The following LARGE1 variants were observed in gnomAD, a reference collection of about 807,000 sequenced individuals.
LARGE1 encodes LARGE xylosyl- and glucuronyltransferase 1, also known as xylosyl- and glucuronyltransferase LARGE1.
LARGE1 carries 43 observed loss-of-function variants against 87.6 expected under a neutral mutation model. The ratio of observed to expected loss-of-function variants is 0.49; its 90% CI spans 0.38 to 0.63. The LOEUF (loss-of-function observed/expected upper bound fraction) is 0.63. Among genes scored for constraint, LARGE1 ranks in the 30% least tolerant of loss-of-function variants. LARGE1 has a pLI of 0.00. For missense variants in LARGE1, 802 were observed against 1,000.2 expected, an observed-to-expected ratio of 0.80 and a Z score of 2.67; for synonymous variants, 434 against 394.6, an observed-to-expected ratio of 1.10 and a Z score of -1.18.
chr22:33,330,907 C>T (rs1937619536), intron 10 of LARGE1, among the ~76,000 whole-genome samples: 1 of 152,152 alleles, frequency 6.6e-6, no homozygotes, highest in African/African-American at 2.4e-5. Flanking sequence ...CCTGAATTTC[C>T]GAATCAGTGG....
chr22:33,877,494 T>C (rs1202152747), intron 1 of LARGE1, among the ~76,000 whole-genome samples: 1 of 152,200 alleles, frequency 6.6e-6, no homozygotes, highest in African/African-American at 2.4e-5. Flanking sequence ...TTAATCTCTC[T>C]ATGCCTCAGT....
intron 3 of LARGE1, among the ~76,000 whole-genome samples, chr22:33,637,266 T>C (rs994506183): frequency 1.3e-5 from 2 of 152,184 alleles, no homozygotes; most frequent in African/African-American, 4.8e-5. Context: ...TTTCATCATT[T>C]TTAAAATGAG....
intron 1 of LARGE1, among the ~76,000 whole-genome samples, chr22:33,779,880 G>A (rs1569443075): frequency 2.0e-5 from 3 of 152,154 alleles, no homozygotes; most frequent in Non-Finnish European, 4.4e-5. Flanking sequence ...CTACTTTCAT[G>A]GTATAGAATG....
intron 2 of LARGE1, among the ~76,000 whole-genome samples, chr22:33,735,202 C>A (rs925364276): frequency 2.6e-5 from 4 of 152,206 alleles, no homozygotes; most frequent in Admixed American, 1.3e-4. Context: ...GAGGAATCTG[C>A]TTAACAAATT....
intron 1 of LARGE1, among the ~76,000 whole-genome samples, chr22:33,762,325 T>C (rs1023085151): frequency 3.3e-5 from 5 of 149,756 alleles, no homozygotes; most frequent in Non-Finnish European, 7.4e-5. Flanking sequence ...CAAGCTGAGA[T>C]GTGCATGGAC....
intron 1 of LARGE1, among the ~76,000 whole-genome samples, chr22:33,797,546 T>C (rs904000875): frequency 2.6e-5 from 4 of 152,126 alleles, no homozygotes; most frequent in Admixed American, 1.3e-4. Context: ...CCAACGGTGG[T>C]TGGAGGCAGA....
intron 2 of LARGE1, among the ~76,000 whole-genome samples, chr22:33,756,828 G>A (rs1341461470): frequency 6.6e-6 from 1 of 152,142 alleles, no homozygotes; most frequent in Non-Finnish European, 1.5e-5. Flanking sequence ...CAGAGCCAGG[G>A]CGACAGCAGT....
intron 1 of LARGE1, among the ~76,000 whole-genome samples, chr22:33,781,912 G>A (rs577008736): frequency 3.9e-5 from 6 of 151,970 alleles, no homozygotes; most frequent in Non-Finnish European, 7.4e-5. Context: ...ACCAGCACAT[G>A]GTAAAAGAAA....
chr22:33,166,723 G>A lies in LARGE1; in HGVS notation c.*40C>T, dbSNP rs528574055. ...GTAAAATTAGGGCTCATGAAGAACA[G>A]TACCCAAGTCCTCGAGAAGGAAGCC... On this transcript the variant is annotated 3_prime_UTR_variant, in exon 12 of 12. Coordinates refer to the LARGE1 transcript ENST00000608642. The A allele has an allele frequency of 3.4e-4, 159 of 471,150 alleles. 2 individuals are homozygous for A. The highest frequency in any genetic ancestry group is 2.4e-3 in the South Asian group (155 of 64,550). 29.2% of individuals were successfully genotyped at this position (471,150 alleles called of 1,614,324 possible).
intron 1 of LARGE1, among the ~76,000 whole-genome samples, chr22:33,891,491 G>A (rs1040183868): frequency 6.6e-6 from 1 of 151,296 alleles, no homozygotes; most frequent in Non-Finnish European, 1.5e-5. Flanking sequence ...GGAGAGACAG[G>A]TGCAGGAAGG....
intron 7 of LARGE1, among the ~76,000 whole-genome samples, chr22:33,389,020 G>A (rs2065423239): frequency 6.6e-6 from 1 of 152,228 alleles, no homozygotes; most frequent in Non-Finnish European, 1.5e-5. Context: ...AGATCATGCA[G>A]TGCTTATGAA....
chr22:33,094,195 G>A, the LARGE1 span, among the ~76,000 whole-genome samples: 1 of 152,050 alleles, frequency 6.6e-6, no homozygotes, highest in African/African-American at 2.4e-5. Flanking sequence ...TAACCATTTC[G>A]ATATGGGAGC....
intron 11 of LARGE1, among the ~76,000 whole-genome samples, chr22:33,305,077 C>T (rs75881443): frequency 0.039 from 5,892 of 152,208 alleles, 355 homozygotes; most frequent in African/African-American, 0.14. Context: ...GAGGAACGGA[C>T]GTGCCGTATG....
chr22:33,806,209 C>G (rs2086304760), intron 1 of LARGE1, among the ~76,000 whole-genome samples: 1 of 152,104 alleles, frequency 6.6e-6, no homozygotes, highest in African/African-American at 2.4e-5. Flanking sequence ...TCTCTTGTAT[C>G]TGACTTCTTT....
At chr22:33,297,581 C>A (rs892690683) in intron 12 of LARGE1, among the ~76,000 whole-genome samples, 1 of 149,412 alleles carries the variant, frequency 6.7e-6, no homozygotes, top group Admixed American at 6.6e-5. Context: ...CCACTGCACT[C>A]CAGCCTGGGC....
At chr22:33,298,676 A>T (rs986362336) in intron 12 of LARGE1, among the ~76,000 whole-genome samples, 7 of 152,016 alleles carry the variant, frequency 4.6e-5, no homozygotes, top group Non-Finnish European at 8.8e-5. Context: ...AAAGGAAATT[A>T]AAAAATTAGC....
At chr22:33,202,613 A>C (rs1209018150) in intron 11 of LARGE1, among the ~76,000 whole-genome samples, 1 of 152,230 alleles carries the variant, frequency 6.6e-6, no homozygotes, top group Non-Finnish European at 1.5e-5. Flanking sequence ...TTTACTGTCT[A>C]GTACAGTGCA....
intron 4 of LARGE1, among the ~76,000 whole-genome samples, chr22:33,610,879 C>G (rs534560627): frequency 7.9e-5 from 12 of 152,206 alleles, no homozygotes; most frequent in Admixed American, 2.6e-4. Flanking sequence ...ATTGTGGCCT[C>G]TCCAGTTCCA....
intron 6 of LARGE1, among the ~76,000 whole-genome samples, chr22:33,479,806 G>C (rs1241035711): frequency 6.7e-6 from 1 of 149,606 alleles, no homozygotes; most frequent in African/African-American, 2.5e-5. Flanking sequence ...GTACAGTGGT[G>C]CAGTCTCAGC....
Sources: allele counts gnomAD v4.1 joint callset (sites outside exome capture counted in the v4.1 genomes callset), GRCh38; gene constraint gnomAD v4.1.1; transcripts MANE v1.5; gene names NCBI Gene and HGNC (gene_info 2026-07-23, HGNC 2026-07-21).